The following RBMS3 variants were observed in gnomAD, a reference collection of about 807,000 sequenced individuals.
RBMS3 encodes RNA-binding motif, single-stranded-interacting protein 3.
Under a neutral mutation model 66.8 loss-of-function variants are expected in RBMS3, and 27 were observed. The observed-to-expected ratio is 0.40, with a 90% CI of 0.30 to 0.56. The LOEUF (loss-of-function observed/expected upper bound fraction) is 0.56, where lower values mean the gene tolerates loss of function less well. Among genes scored for constraint, RBMS3 ranks in the 20% least tolerant of loss-of-function variants. RBMS3 has a pLI of 0.40. For missense variants in RBMS3, 513 were observed against 549.5 expected (o/e 0.93, Z 0.66); for synonymous variants, 188 against 183.0 (o/e 1.03, Z -0.22).
intron 3 of RBMS3, among the ~76,000 whole-genome samples, chr3:29,491,854 G>A (rs1475960835): frequency 2.0e-5 from 3 of 152,138 alleles, no homozygotes; most frequent in African/African-American, 4.8e-5. Context: ...TTAGCCGGGC[G>A]TGGTGGCGGG....
intron 4 of RBMS3, chr3:29,614,453 A>C (rs1021336370): frequency 6.6e-6 from 1 of 152,184 alleles, no homozygotes; most frequent in African/African-American, 2.4e-5. Flanking sequence ...TTGCTGGAAG[A>C]GTAGATTTGA....
chr3:29,299,873 A>G (rs1273736837), intron 1 of RBMS3, among the ~76,000 whole-genome samples: 1 of 151,904 alleles, frequency 6.6e-6, no homozygotes, highest in Admixed American at 6.6e-5. Context: ...AAAACCTACT[A>G]CAATGAAACA....
intron 6 of RBMS3, among the ~76,000 whole-genome samples, chr3:29,813,502 T>TC (rs1342774541): frequency 6.6e-6 from 1 of 152,120 alleles, no homozygotes; most frequent in Non-Finnish European, 1.5e-5. Context: ...AGTAGTTTTT[T>TC]CCAATTCTGT....
intron 1 of RBMS3, among the ~76,000 whole-genome samples, chr3:29,351,442 G>T (rs932888156): frequency 1.8e-4 from 28 of 152,128 alleles, no homozygotes; most frequent in African/African-American, 6.0e-4. Flanking sequence ...ATTTACAAAT[G>T]TTTGCCAATC....
intron 10 of RBMS3, chr3:29,925,280 G>C (rs942744867): frequency 2.0e-5 from 3 of 152,132 alleles, no homozygotes; most frequent in African/African-American, 7.2e-5. Context: ...TTTCGCTGCT[G>C]TCTCTTACTA....
At chr3:29,467,406 G>A in intron 2 of RBMS3, among the ~76,000 whole-genome samples, 1 of 152,156 alleles carries the variant, frequency 6.6e-6, no homozygotes, top group East Asian at 1.9e-4. Context: ...AATTTCATGA[G>A]TTTGCGTTTA....
rs752800827 is a variant in RBMS3, at chr3:29,991,118, C to G, written c.1216C>G (p.Pro406Ala). 9 of 1,614,106 alleles carry G rather than the reference C, an allele frequency of 5.6e-6. No homozygotes were observed. In the South Asian group the frequency reaches 9.9e-5, roughly 18 times the overall value. ...VADTSPQTVA[P>A]SSQDTSGQQQ... ...TGATACCTCTCCCCAGACAGTGGCA[C>G]CTTCATCCCAGGACACCAGTGGTCA... The change falls in exon 14 of 15, where the codon CCT becomes GCT. Residue 406 changes from proline (P) to alanine (A), a missense_variant. By Grantham distance (27) the Pro-to-Ala change is conservative (BLOSUM62 -1). Transcript: ENST00000383767.
At chr3:29,960,615 C>CA (rs1386554277) in intron 12 of RBMS3, among the ~76,000 whole-genome samples, 1 of 152,202 alleles carries the variant, frequency 6.6e-6, no homozygotes, top group Non-Finnish European at 1.5e-5. Context: ...TCTGTCCCTG[C>CA]AGCAAACTTC....
intron 3 of RBMS3, among the ~76,000 whole-genome samples, chr3:29,538,260 G>A (rs1014723496): frequency 6.6e-6 from 1 of 152,092 alleles, no homozygotes; most frequent in African/African-American, 2.4e-5. Context: ...AAACTGTTTT[G>A]GCCTCTGTAC....
At chr3:29,762,023 G>T (rs556138156) in intron 5 of RBMS3, among the ~76,000 whole-genome samples, 43 of 151,982 alleles carry the variant, frequency 2.8e-4, no homozygotes, top group Middle Eastern at 3.4e-3. Flanking sequence ...TCCATTATTT[G>T]GAAACTGCTA....
At chr3:29,599,643 C>T (rs570722550) in intron 4 of RBMS3, among the ~76,000 whole-genome samples, 4 of 151,864 alleles carry the variant, frequency 2.6e-5, no homozygotes, top group East Asian at 1.9e-4. Context: ...TTATTAGAAA[C>T]GTAACTAAAT....
At chr3:29,485,318 G>A (rs2043280442) in intron 2 of RBMS3, among the ~76,000 whole-genome samples, 1 of 152,046 alleles carries the variant, frequency 6.6e-6, no homozygotes. Context: ...ATAAAATTAT[G>A]AAAACTCAAA....
intron 10 of RBMS3, among the ~76,000 whole-genome samples, chr3:29,905,624 ATTTTG>A (rs2060357986): frequency 6.6e-6 from 1 of 152,064 alleles, no homozygotes; most frequent in Non-Finnish European, 1.5e-5. Flanking sequence ...GCATTGCTCT[ATTTTG>A]ACTACTATAA....
intron 4 of RBMS3, among the ~76,000 whole-genome samples, chr3:29,639,698 T>G (rs562932757): frequency 6.6e-6 from 1 of 151,922 alleles, no homozygotes; most frequent in Admixed American, 6.6e-5. Flanking sequence ...TCTTTTTGTT[T>G]AGAAAAACAC....
chr3:29,562,002 AAC>A (rs2046574083), intron 3 of RBMS3, among the ~76,000 whole-genome samples: 1 of 152,114 alleles, frequency 6.6e-6, no homozygotes, highest in African/African-American at 2.4e-5. Context: ...ACATATGAGA[AAC>A]ACAGTGTAGT....
intron 10 of RBMS3, among the ~76,000 whole-genome samples, chr3:29,921,124 G>C (rs753673145): frequency 6.6e-6 from 1 of 152,136 alleles, no homozygotes; most frequent in East Asian, 1.9e-4. Flanking sequence ...GTGCAGTGGC[G>C]TGATCTCAGC....
At chr3:29,492,922 G>A (rs1034648004) in intron 3 of RBMS3, among the ~76,000 whole-genome samples, 5 of 152,094 alleles carry the variant, frequency 3.3e-5, no homozygotes, top group Non-Finnish European at 5.9e-5. Context: ...TTCTTCATTG[G>A]TACCATGCTA....
At chr3:29,777,790 A>G (rs2056478423) in intron 6 of RBMS3, among the ~76,000 whole-genome samples, 2 of 151,896 alleles carry the variant, frequency 1.3e-5, no homozygotes, top group South Asian at 4.1e-4. Flanking sequence ...ACAATTCTAC[A>G]ACAACAATTA....
chr3:29,537,287 A>G (rs982997595), intron 3 of RBMS3, among the ~76,000 whole-genome samples: 5 of 152,204 alleles, frequency 3.3e-5, no homozygotes, highest in Non-Finnish European at 7.3e-5. Flanking sequence ...CTTTGGCCCT[A>G]AAGGCACTTG....
Sources: gnomAD v4.1 joint callset for allele counts (sites outside exome capture counted in the v4.1 genomes callset) on GRCh38, gnomAD v4.1.1 for gene constraint, MANE v1.5 for transcripts, NCBI Gene and HGNC (gene_info 2026-07-23, HGNC 2026-07-21) for gene names.